Variants in IGSF5 observed in about 807,000 individuals in gnomAD.
The protein encoded by IGSF5 is immunoglobulin superfamily member 5.
IGSF5 carries 41 observed loss-of-function variants against 39.4 expected under a neutral mutation model. The ratio of observed to expected loss-of-function variants is 1.04; its 90% CI spans 0.81 to 1.35. The LOEUF (loss-of-function observed/expected upper bound fraction) is 1.35. IGSF5 is among the 40% of genes most tolerant of loss of function. The pLI is 0.00. For synonymous variants in IGSF5, 183 were observed against 175.3 expected, an observed-to-expected ratio of 1.04 and a Z score of -0.34; for missense variants, 487 against 494.6, an observed-to-expected ratio of 0.98 and a Z score of 0.15.
chr21:39,799,664 A>T (rs1025159667), intron 8 of IGSF5, among the ~76,000 whole-genome samples: 2 of 152,126 alleles, frequency 1.3e-5, no homozygotes, highest in Admixed American at 1.3e-4. Context: ...AAGCACAGAG[A>T]AGAGTTTGAG....
chr21:39,779,606 G>A (rs551962009), intron 5 of IGSF5, among the ~76,000 whole-genome samples: 8 of 152,180 alleles, frequency 5.3e-5, no homozygotes, highest in Non-Finnish European at 8.8e-5. Flanking sequence ...GCATTTCCAC[G>A]TTCATTACAT....
intron 2 of IGSF5, among the ~76,000 whole-genome samples, chr21:39,754,600 G>A (rs530750712): frequency 6.6e-6 from 1 of 152,246 alleles, no homozygotes; most frequent in Non-Finnish European, 1.5e-5. Flanking sequence ...GTCAGGACAG[G>A]GAGGAATTGG....
chr21:39,737,836 G>A, the IGSF5 span, among the ~76,000 whole-genome samples: 2 of 152,198 alleles, frequency 1.3e-5, no homozygotes, highest in African/African-American at 4.8e-5. Flanking sequence ...TCTCTCTGCA[G>A]CATTCCTTCC....
At chr21:39,720,157 A>G in the IGSF5 span, among the ~76,000 whole-genome samples, 9 of 152,126 alleles carry the variant, frequency 5.9e-5, no homozygotes, top group African/African-American at 2.4e-5. Context: ...GTTCCACCTC[A>G]GATCATCAGG....
chr21:39,761,881 T>C (rs1392078340), intron 2 of IGSF5, among the ~76,000 whole-genome samples: 3 of 152,138 alleles, frequency 2.0e-5, no homozygotes, highest in Admixed American at 2.0e-4. Context: ...TTTTCCAGGA[T>C]GGTCTTGAAC....
chr21:39,739,972 A>G, the IGSF5 span, among the ~76,000 whole-genome samples: 1 of 152,206 alleles, frequency 6.6e-6, no homozygotes, highest in Non-Finnish European at 1.5e-5. Flanking sequence ...GTCCTGGTCC[A>G]GTAAATAACA....
chr21:39,716,220 G>T, the IGSF5 span, among the ~76,000 whole-genome samples: 1 of 152,236 alleles, frequency 6.6e-6, no homozygotes, highest in Non-Finnish European at 1.5e-5. Context: ...TACAAACACC[G>T]CACAGGTGGG....
At chr21:39,799,536 C>T (rs973162445) in intron 8 of IGSF5, among the ~76,000 whole-genome samples, 1 of 152,056 alleles carries the variant, frequency 6.6e-6, no homozygotes, top group African/African-American at 2.4e-5. Context: ...GAAAACTCCA[C>T]AGACATGTAT....
At chr21:39,726,413 A>G in the IGSF5 span, among the ~76,000 whole-genome samples, 1 of 152,182 alleles carries the variant, frequency 6.6e-6, no homozygotes, top group African/African-American at 2.4e-5. Flanking sequence ...AGTGCGCAGA[A>G]GACACGCAGG....
At chr21:39,753,283 G>C (rs1232311094) in intron 2 of IGSF5, among the ~76,000 whole-genome samples, 1 of 152,096 alleles carries the variant, frequency 6.6e-6, no homozygotes, top group Non-Finnish European at 1.5e-5. Context: ...TGTATGCTCG[G>C]TTGAAGATCA....
the IGSF5 span, among the ~76,000 whole-genome samples, chr21:39,717,414 C>G: frequency 2.0e-5 from 3 of 152,058 alleles, no homozygotes; most frequent in African/African-American, 7.2e-5. Context: ...TGAAATCTGC[C>G]TGTTCCTAGG....
At chr21:39,717,458 G>A in the IGSF5 span, among the ~76,000 whole-genome samples, 1 of 152,126 alleles carries the variant, frequency 6.6e-6, no homozygotes, top group African/African-American at 2.4e-5. Context: ...GTCTTCCAAG[G>A]TTCTTATAGT....
At chr21:39,741,293 G>T (rs139279140), upstream of IGSF5, among the ~76,000 whole-genome samples, 1 of 152,150 alleles carries the variant, frequency 6.6e-6, no homozygotes, top group African/African-American at 2.4e-5. Flanking sequence ...CTATTTTGCC[G>T]TACCTGGGAA....
chr21:39,737,128 T>C, the IGSF5 span, among the ~76,000 whole-genome samples: 1 of 152,056 alleles, frequency 6.6e-6, no homozygotes, highest in Non-Finnish European at 1.5e-5. Context: ...TTGTTCACCA[T>C]TTTTCTTACC....
chr21:39,742,631 C>T (rs139396313), upstream of IGSF5, among the ~76,000 whole-genome samples: 701 of 152,280 alleles, frequency 4.6e-3, 9 homozygotes, highest in African/African-American at 0.015. Context: ...GACAAGAGGG[C>T]GGCTTACTTC....
the IGSF5 span, chr21:39,727,774 G>C: frequency 6.6e-6 from 1 of 152,250 alleles, no homozygotes; most frequent in Non-Finnish European, 1.5e-5. Flanking sequence ...AGCTGCTGCA[G>C]ACCCATGTGG....
chr21:39,790,790 C>CCACATCCTCTGATTCAACCAACA (rs1875957108), intron 6 of IGSF5, among the ~76,000 whole-genome samples: 3 of 152,114 alleles, frequency 2.0e-5, no homozygotes, highest in African/African-American at 7.2e-5. Flanking sequence ...TCTGCAGGTT[C>CCACATCCTCTGATTCAACCAACA]CACATCCTCT....
chr21:39,748,593 C>A (rs1235476), intron 2 of IGSF5, among the ~76,000 whole-genome samples: 124,080 of 151,888 alleles, frequency 0.82, 50,862 homozygotes, highest in Admixed American at 0.86. Context: ...TTATAAGGAC[C>A]TGAGTCCCAT....
intron 5 of IGSF5, among the ~76,000 whole-genome samples, chr21:39,785,041 C>CTT (rs35890894): frequency 1.3e-5 from 2 of 148,878 alleles, no homozygotes; most frequent in Non-Finnish European, 3.0e-5. Context: ...GTTCCCTTTT[C>CTT]TTTTTTTTAA....
Sources: allele counts gnomAD v4.1 joint callset (sites outside exome capture counted in the v4.1 genomes callset), GRCh38; gene constraint gnomAD v4.1.1; transcripts MANE v1.5; gene names NCBI Gene and HGNC (gene_info 2026-07-23, HGNC 2026-07-21).